The following SLIT2 variants were observed in gnomAD, a reference collection of about 807,000 sequenced individuals.
The protein encoded by SLIT2 is slit guidance ligand 2, also known as slit homolog 2 protein.
Under a neutral mutation model 185.7 loss-of-function variants are expected in SLIT2, and 41 were observed. That is an observed-to-expected ratio of 0.22 (90% confidence interval 0.17 to 0.29). SLIT2 has a LOEUF of 0.29. Among genes scored for constraint, SLIT2 ranks in the 10% least tolerant of loss-of-function variants. The probability of loss-of-function intolerance (pLI) is 1.00; values close to 1 mark genes in which losing one functional copy is unlikely to be tolerated. For missense variants in SLIT2, 1,571 were observed against 1,909.0 expected (o/e 0.82, Z 3.30); for synonymous variants, 693 against 680.2 (o/e 1.02, Z -0.29).
chr4:20,303,343 T>C (rs973110078), intron 4 of SLIT2, among the ~76,000 whole-genome samples: 27 of 152,186 alleles, frequency 1.8e-4, no homozygotes, highest in Non-Finnish European at 3.2e-4. Context: ...ATATTTTACT[T>C]GTTTTATTGT....
chr4:20,563,319 G>A (rs28581347), intron 26 of SLIT2, among the ~76,000 whole-genome samples: 3,674 of 151,598 alleles, frequency 0.024, 211 homozygotes, highest in African/African-American at 0.085. Context: ...TTTCCCCTCC[G>A]TGGCACACAT....
At chr4:20,398,116 G>C (rs1726062998) in intron 4 of SLIT2, among the ~76,000 whole-genome samples, 2 of 151,830 alleles carry the variant, frequency 1.3e-5, no homozygotes, top group East Asian at 3.9e-4. Context: ...CTTAACAGAT[G>C]AAGTGATGGT....
chr4:20,305,562 C>T (rs112060759), intron 4 of SLIT2, among the ~76,000 whole-genome samples: 14 of 152,092 alleles, frequency 9.2e-5, no homozygotes, highest in African/African-American at 2.7e-4. Flanking sequence ...TTATTACTTC[C>T]TTGTAAAAAT....
intron 3 of SLIT2, among the ~76,000 whole-genome samples, chr4:20,260,768 G>A (rs1023496862): frequency 6.6e-6 from 1 of 151,806 alleles, no homozygotes; most frequent in African/African-American, 2.4e-5. Context: ...AAACATTATA[G>A]CTATAAAAGA....
chr4:20,338,645 C>T (rs1720707745), intron 4 of SLIT2, among the ~76,000 whole-genome samples: 1 of 152,112 alleles, frequency 6.6e-6, no homozygotes, highest in Non-Finnish European at 1.5e-5. Context: ...GAAAATTGGG[C>T]TCATGAGTCT....
chr4:20,563,848 G>T (rs1240622137), intron 26 of SLIT2, among the ~76,000 whole-genome samples: 2 of 151,574 alleles, frequency 1.3e-5, no homozygotes, highest in Non-Finnish European at 2.9e-5. Flanking sequence ...GATCTCACTA[G>T]GTTCCCTCCT....
intron 4 of SLIT2, among the ~76,000 whole-genome samples, chr4:20,446,101 C>T (rs1413948781): frequency 6.6e-6 from 1 of 152,306 alleles, no homozygotes; most frequent in Non-Finnish European, 1.5e-5. Context: ...CCCTTGCCCC[C>T]TTAACTACGG....
Position 20,614,690 on chromosome 4 carries a change from T to C in SLIT2, c.3848-2220T>C, listed in dbSNP as rs188264360. Reference sequence around the variant, plus strand: ...TTCTCGGGAGGCTGAAGCAGGAGAATCGCTTGAACCCAGGAGGCGGGGGTT... The same window carrying C: ...TTCTCGGGAGGCTGAAGCAGGAGAACCGCTTGAACCCAGGAGGCGGGGGTT... On this transcript the variant is annotated intron_variant, in intron 34 of 36. Coordinates refer to ENST00000504154, the MANE Select transcript of SLIT2 (RefSeq NM_004787.4). Among the ~76,000 whole-genome samples the C allele has an allele frequency of 2.3e-3, 350 of 150,956 alleles. 6 individuals carry two copies. In the South Asian group the frequency reaches 0.053, roughly 23 times the overall value.
rs760205494 is a variant in SLIT2, at chr4:20,253,814, A to G, written c.-2A>G. The G allele has an allele frequency of 1.9e-6, 3 of 1,597,992 alleles. No individual in the cohort carries two copies. The highest frequency in any genetic ancestry group is 4.5e-5 in the East Asian group (2 of 44,808). ...CGGCGAGGAAGGAGGCGGCGGGGAAAGATGCGCGGCGTTGGCTGGCAGATG... is the reference window on the plus strand; with the variant it reads ...CGGCGAGGAAGGAGGCGGCGGGGAAGGATGCGCGGCGTTGGCTGGCAGATG... On this transcript the variant is annotated 5_prime_UTR_variant, in exon 1 of 37. Transcript: ENST00000504154.
Position 20,480,723 on chromosome 4 carries a change from G to T in SLIT2, c.475G>T (p.Asp159Tyr). Residue 159 changes from aspartate (D) to tyrosine (Y), a missense_variant, in exon 6 of 37, where the codon GAT (aspartate) becomes TAT (tyrosine). By Grantham distance (160) the Asp-to-Tyr change is radical. Coordinates refer to ENST00000504154, the MANE Select transcript of SLIT2 (RefSeq NM_004787.4). ...GAVDIKNLQL[D>Y]YNQISCIEDG... is the part of the protein sequence containing the mutation. ...TTCTAATCTTTTTAACAGGCAACTG[G>T]ATTACAACCAGATCAGCTGTATTGA... 2 of 1,612,848 alleles carry T rather than the reference G, an allele frequency of 1.2e-6. No individual in the cohort carries two copies. Among genetic ancestry groups the T allele is most frequent in the Non-Finnish European group, 1.7e-6 (2 of 1,178,946 alleles).
At chr4:20,590,692 G>C (rs59286212) in intron 30 of SLIT2, among the ~76,000 whole-genome samples, 7,663 of 152,236 alleles carry the variant, frequency 0.05, 233 homozygotes, top group African/African-American at 0.08. Context: ...TGTTTGCTAT[G>C]AAATTACGTG....
intron 5 of SLIT2, among the ~76,000 whole-genome samples, chr4:20,472,246 C>CTATATATATCTA (rs546128488): frequency 0.032 from 1,266 of 39,658 alleles, 171 homozygotes; most frequent in Middle Eastern, 0.17. Context: ...ATCTATATAT[C>CTATATATATCTA]TATATATAGA....
chr4:20,371,872 A>G (rs1307079320), intron 4 of SLIT2, among the ~76,000 whole-genome samples: 6 of 152,080 alleles, frequency 3.9e-5, no homozygotes, highest in Admixed American at 2.6e-4. Flanking sequence ...TTTGGTGATT[A>G]TCCATTTACC....
Position 20,539,580 on chromosome 4 carries a change from A to G in SLIT2, c.1972A>G (p.Thr658Ala). 1 of 1,604,334 alleles carries G rather than the reference A, an allele frequency of 6.2e-7. No homozygotes were observed. Among genetic ancestry groups the G allele is most frequent in the Non-Finnish European group, 8.5e-7 (1 of 1,173,268 alleles). Residue 658 changes from threonine (T) to alanine (A), a missense_variant, in exon 19 of 37, where the codon ACT becomes GCT. By Grantham distance (58) the Thr-to-Ala change is moderately conservative. Transcript: ENST00000504154. ...ATTTGATACTCTCCATTCTTTATCT[A>G]CTCTGTAAGTATGAAAAATAGCCCT... ...GAFDTLHSLS[T>A]LNLLANPFNC...
chr4:20,485,376 G>A (rs1344670023), intron 6 of SLIT2, among the ~76,000 whole-genome samples: 1 of 152,028 alleles, frequency 6.6e-6, no homozygotes, highest in Non-Finnish European at 1.5e-5. Context: ...AATATTTGAT[G>A]AATGAATGAG....
chr4:20,453,117 A>G lies in SLIT2; in HGVS notation c.396-14635A>G, dbSNP rs1410118019. On this transcript the variant is annotated intron_variant, in intron 4 of 36. Transcript: ENST00000504154. ...AGCTTAAGATTGCCTTTCAAAAATTATAATATGACTTTTTGCATTCAGAAC... is the reference window on the plus strand; with the variant it reads ...AGCTTAAGATTGCCTTTCAAAAATTGTAATATGACTTTTTGCATTCAGAAC... Among the ~76,000 whole-genome samples the G allele has an allele frequency of 3.9e-5, 6 of 152,344 alleles. 1 individual carries two copies. The South Asian group carries it at 1.0e-3, about 26-fold the overall frequency.
chr4:20,417,277 A>G (rs1045811634), intron 4 of SLIT2, among the ~76,000 whole-genome samples: 4 of 151,528 alleles, frequency 2.6e-5, no homozygotes, highest in African/African-American at 9.7e-5. Flanking sequence ...TAGTCTCATG[A>G]TTTGGAGATA....
At chr4:20,355,501 G>GGTGT (rs1216469456) in intron 4 of SLIT2, among the ~76,000 whole-genome samples, 2 of 152,064 alleles carry the variant, frequency 1.3e-5, no homozygotes, top group Admixed American at 1.3e-4. Context: ...TCCATTTCAA[G>GGTGT]GTGTGTATTC....
intron 4 of SLIT2, among the ~76,000 whole-genome samples, chr4:20,360,402 A>G (rs1722648681): frequency 6.6e-6 from 1 of 152,136 alleles, no homozygotes; most frequent in African/African-American, 2.4e-5. Flanking sequence ...TCCTAGACAA[A>G]TGCAAGAGGG....
Sources: allele counts gnomAD v4.1 joint callset (sites outside exome capture counted in the v4.1 genomes callset), GRCh38; gene constraint gnomAD v4.1.1; transcripts MANE v1.5; gene names NCBI Gene and HGNC (gene_info 2026-07-23, HGNC 2026-07-21).